APC2: variants seen among roughly 807,000 people sequenced by gnomAD.
The protein encoded by APC2 is adenomatous polyposis coli protein 2.
In APC2, 41 loss-of-function variants were observed where a neutral mutation model predicts 72.5. The ratio of observed to expected loss-of-function variants is 0.57; its 90% CI spans 0.44 to 0.73. APC2 has a LOEUF of 0.73. Ranked by LOEUF, APC2 falls within the 30% of genes least tolerant of loss-of-function variation. The pLI, the probability that APC2 is intolerant of heterozygous loss-of-function variation, is 0.00. For missense variants in APC2, 3,729 were observed against 3,403.4 expected, an observed-to-expected ratio of 1.10 and a Z score of -2.38; for synonymous variants, 1,898 against 1,612.0, an observed-to-expected ratio of 1.18 and a Z score of -4.25.
At chr19:1,453,689 C>T (rs917581885) in intron 4 of APC2, 78 bp downstream of exon 4, 48 of 1,511,338 alleles carry the variant, frequency 3.2e-5, no homozygotes, top group Non-Finnish European at 4.3e-5. Context: ...TCTAATTCGC[C>T]CACCCGCATA....
Position 1,456,094 on chromosome 19 carries a change from G to C in APC2, c.658G>C (p.Glu220Gln). 6.3e-7 allele frequency: 1 copy of C among 1,585,948 alleles called. No individual in the cohort carries two copies. Among genetic ancestry groups the C allele is most frequent in the Non-Finnish European group, 8.6e-7 (1 of 1,168,996 alleles). ...TGAGCAGATCCGCGCCTCGCGCCTGGAGCAGATTGACAAGGAGCTGCTGGA... is the reference window on the plus strand; with the variant it reads ...TGAGCAGATCCGCGCCTCGCGCCTGCAGCAGATTGACAAGGAGCTGCTGGA... ...QRAQIRASRL[E>Q]QIDKELLEAQ... Residue 220 changes from glutamate (E) to glutamine (Q), a missense_variant, in exon 7 of 15, where the codon GAG becomes CAG. Physicochemically the swap from Glu to Gln is conservative, Grantham distance 29. Transcript: ENST00000590469.
chr19:1,453,745 C>G, intron 4 of APC2, 134 bp downstream of exon 4: 2 of 1,236,722 alleles, frequency 1.6e-6, no homozygotes, highest in African/African-American at 3.0e-5. Flanking sequence ...GCATATGGCA[C>G]TGCCCACCGA....
chr19:1,465,817 T>C lies in APC2; in HGVS notation c.2516T>C (p.Val839Ala). 2 of 1,581,478 alleles carry C rather than the reference T, an allele frequency of 1.3e-6. No homozygotes were observed. The highest frequency in any genetic ancestry group is 8.6e-7 in the Non-Finnish European group (1 of 1,165,228). ...AAGGACACCAGTGGGGAGGCAGCCG[T>C]GGCGGCCAAGGCCAAGGCCAAGCTG... ...AEKDTSGEAA[V>A]AAKAKAKLAL... The change falls in exon 15 of 15, where the codon GTG becomes GCG. Residue 839 changes from valine (V) to alanine (A), a missense_variant. Val to Ala is a moderately conservative substitution (Grantham distance 64). Coordinates refer to ENST00000590469, the MANE Select transcript of APC2 (RefSeq NM_005883.3).
Position 1,465,741 on chromosome 19 carries a change from C to G in APC2, c.2440C>G (p.Gln814Glu). 1.3e-6 allele frequency: 2 copies of G among 1,543,300 alleles called. No individual in the cohort carries two copies. The highest frequency in any genetic ancestry group is 2.4e-5 in the South Asian group (2 of 82,686). Residue 814 changes from glutamine to glutamate, a missense_variant, in exon 15 of 15, where the codon CAG becomes GAG. Transcript: ENST00000590469. ...CCTGGGCAGCCCCTTCCTGCAGGGG[C>G]AGGCGCTGGCTCGCACCCCGCCCAC... ...LFLGSPFLQG[Q>E]ALARTPPTRR...
rs146579468 is a variant in APC2 at position 1,456,384 on chromosome 19, C to A, written c.796C>A (p.Pro266Thr). 376 of 1,605,614 alleles carry A rather than the reference C, an allele frequency of 2.3e-4. 3 individuals are homozygous for A. The Middle Eastern group carries it at 3.4e-3, about 15-fold the overall frequency. ...CCCCACACACCCTGAGGATGGCACC[C>A]CTCAGCCGGGCAACAGCAAGGTGAG... ...EVPTHPEDGT[P>T]QPGNSKVEVV... Residue 266 changes from proline to threonine, a missense_variant, in exon 8 of 15, where the codon CCT becomes ACT. Physicochemically the swap from Pro to Thr is conservative, Grantham distance 38 (BLOSUM62 -1). Transcript: ENST00000590469.
intron 9 of APC2, 90 bp from the exon 10 acceptor site, chr19:1,457,875 G>A (rs1184443354): frequency 1.1e-5 from 13 of 1,164,744 alleles, no homozygotes; most frequent in Admixed American, 2.0e-5. Context: ...GGATCCTTCA[G>A]GCCTGGGGCG....
rs71174372 is a variant in APC2, at chr19:1,457,895, C to CGGG, written c.1208-69_1208-67dup. 1.7e-4 allele frequency: 215 copies of CGGG among 1,251,726 alleles called. 22 individuals are homozygous for CGGG. In the African/African-American group the frequency reaches 5.0e-3, roughly 29 times the overall value. 77.5% of individuals were successfully genotyped at this position (1,251,726 alleles called of 1,614,324 possible). A position where few individuals can be genotyped will look rare whatever the true frequency, so the allele number is the denominator to read the frequency against. ...CTTCAGGCCTGGGGCGGGCGGGTTG[C>CGGG]GGGACCTTCGGGAGTCACCTGGGAC... On this transcript the variant is annotated intron_variant, in intron 9 of 14. Coordinates refer to ENST00000590469, the MANE Select transcript of APC2 (RefSeq NM_005883.3).
In APC2 at chr19:1,470,793, G is replaced by A. The variant is rs921907690; in HGVS notation, c.*580G>A. The A allele has an allele frequency of 6.6e-6, 1 of 152,348 alleles. No individual in the cohort carries two copies. The highest frequency in any genetic ancestry group is 1.5e-5 in the Non-Finnish European group (1 of 68,152). 9.4% of individuals were successfully genotyped at this position (152,348 alleles called of 1,614,324 possible). ...CAGCCCCAGCTGTGGGAGTGCGGGT[G>A]GGGGTGTGGCCGAGCCCCGGCAGGA... On this transcript the variant is annotated 3_prime_UTR_variant, in exon 15 of 15. Coordinates refer to ENST00000590469, the MANE Select transcript of APC2 (RefSeq NM_005883.3).
At position 1,466,156 on chromosome 19, in the gene APC2, C is replaced by T. The variant is rs913282943; in HGVS notation, c.2855C>T (p.Ser952Leu). Reference protein sequence around the residue: ...MLPCPLAALASRREDPRCGQP... With the variant: ...MLPCPLAALALRREDPRCGQP... Reference sequence around the variant, plus strand: ...CCCTGCCCGCTGGCCGCACTGGCTTCGCGCCGCGAGGACCCCAGGTGTGGG... The same window carrying T: ...CCCTGCCCGCTGGCCGCACTGGCTTTGCGCCGCGAGGACCCCAGGTGTGGG... Residue 952 changes from serine (S) to leucine (L), a missense_variant, in exon 15 of 15, where the codon TCG becomes TTG. Physicochemically the swap from Ser to Leu is moderately radical, Grantham distance 145. Coordinates refer to ENST00000590469, the MANE Select transcript of APC2 (RefSeq NM_005883.3). 2.6e-5 allele frequency: 40 copies of T among 1,565,476 alleles called. No homozygotes were observed. Among genetic ancestry groups the T allele is most frequent in the Non-Finnish European group, 3.0e-5 (35 of 1,166,368 alleles).
intron 14 of APC2, among the ~76,000 whole-genome samples, chr19:1,463,298 G>A (rs975855520): frequency 6.6e-6 from 1 of 151,562 alleles, no homozygotes; most frequent in Non-Finnish European, 1.5e-5. Context: ...GGCACCTGTG[G>A]TCCCAGCTAC....
Position 1,465,319 on chromosome 19 carries a change from G to A in APC2, c.2018G>A (p.Arg673His), listed in dbSNP as rs867716642. 6.3e-7 allele frequency: 1 copy of A among 1,595,522 alleles called. No individual in the cohort carries two copies. The highest frequency in any genetic ancestry group is 8.5e-7 in the Non-Finnish European group (1 of 1,176,546). ...LWDLGAVGML[R>H]NLVHSKHKMI... ...GACCTGGGCGCCGTGGGCATGCTGCGTAATCTGGTGCACTCCAAGCACAAG... is the reference window on the plus strand; with the variant it reads ...GACCTGGGCGCCGTGGGCATGCTGCATAATCTGGTGCACTCCAAGCACAAG... Residue 673 changes from arginine to histidine, a missense_variant, in exon 15 of 15, where the codon CGT becomes CAT. By Grantham distance (29) the Arg-to-His change is conservative. Transcript: ENST00000590469.
In APC2 at chr19:1,468,108, G is replaced by A. The variant is rs1211925931; in HGVS notation, c.4807G>A (p.Glu1603Lys). The A allele has an allele frequency of 6.6e-7, 1 of 1,523,942 alleles. No homozygotes were observed. Among genetic ancestry groups the A allele is most frequent in the South Asian group, 1.2e-5 (1 of 83,234 alleles). 94.4% of individuals were successfully genotyped at this position (1,523,942 alleles called of 1,614,324 possible). ...GCCGGCCGTCCATCCACGAGGCCGG[G>A]AGCCCGCGGTCACCAAGGACCCGGG... ...EPPAVHPRGR[E>K]PAVTKDPGPG... Residue 1603 changes from glutamate to lysine, a missense_variant, in exon 15 of 15, where the codon GAG becomes AAG. Glu to Lys is a moderately conservative substitution (Grantham distance 56, BLOSUM62 1). Coordinates refer to ENST00000590469, the MANE Select transcript of APC2 (RefSeq NM_005883.3).
At position 1,467,213 on chromosome 19, in the gene APC2, C is replaced by T. The variant is rs537838191; in HGVS notation, c.3912C>T (p.Arg1304=). The change falls in exon 15 of 15, where the codon CGC becomes CGT. Residue 1304 remains arginine (R), a synonymous_variant. Coordinates refer to ENST00000590469, the MANE Select transcript of APC2 (RefSeq NM_005883.3). ...LRLLPSACPE[R]GGGAGGAGLH... ...TGCTGCCCTCGGCCTGCCCCGAGCGCGGCGGGGGCGCCGGGGGCGCCGGCC... is the reference window on the plus strand; with the variant it reads ...TGCTGCCCTCGGCCTGCCCCGAGCGTGGCGGGGGCGCCGGGGGCGCCGGCC... 7.7e-5 allele frequency: 108 copies of T among 1,399,352 alleles called. No homozygotes were observed. The highest frequency in any genetic ancestry group is 9.1e-5 in the Non-Finnish European group (99 of 1,082,544). The allele number at this position is 1,399,352 out of a possible 1,614,324, so 86.7% of individuals were successfully genotyped here.
In APC2 at chr19:1,469,513, G is replaced by C; in HGVS notation, c.6212G>C (p.Arg2071Pro). Residue 2071 changes from arginine (R) to proline (P), a missense_variant, in exon 15 of 15, where the codon CGC (arginine) becomes CCC (proline). Physicochemically the swap from Arg to Pro is moderately radical, Grantham distance 103 (BLOSUM62 -2). Coordinates refer to ENST00000590469, the MANE Select transcript of APC2 (RefSeq NM_005883.3). ...GCGGCCCGACCCAGCCCTGGCGAGC[G>C]CCCTGCCCGGCGCACCACCTCCGAG... Reference protein sequence around the residue: ...PPAARPSPGERPARRTTSESP... With the variant: ...PPAARPSPGEPPARRTTSESP... The C allele has an allele frequency of 8.7e-7, 1 of 1,145,332 alleles. No homozygotes were observed. The highest frequency in any genetic ancestry group is 1.1e-6 in the Non-Finnish European group (1 of 928,206). The allele number at this position is 1,145,332 out of a possible 1,614,324, so 70.9% of individuals were successfully genotyped here.
At chr19:1,456,265 G>A (rs2083824255) in intron 7 of APC2, 41 bp from the exon 8 acceptor site, 2 of 1,578,750 alleles carry the variant, frequency 1.3e-6, no homozygotes, top group South Asian at 1.1e-5. Context: ...CAGACTGGGT[G>A]CTCTGGGACT....
Position 1,462,156 on chromosome 19 carries a change from T to C in APC2, c.1832T>C (p.Val611Ala). The change falls in exon 14 of 15, where the codon GTC becomes GCC. Residue 611 changes from valine to alanine, a missense_variant. Coordinates refer to ENST00000590469, the MANE Select transcript of APC2 (RefSeq NM_005883.3). ...GGILRNVSSL[V>A]ATREDYRQVL... ...ATCCTCCGCAATGTGTCCAGCCTCG[T>C]CGCCACCCGTGAGGACTACAGGTCG... 6.2e-7 allele frequency: 1 copy of C among 1,605,328 alleles called. No individual in the cohort carries two copies. Among genetic ancestry groups the C allele is most frequent in the Non-Finnish European group, 8.5e-7 (1 of 1,177,482 alleles).
At position 1,465,171 on chromosome 19, in the gene APC2, C is replaced by T. The variant is rs568275654; in HGVS notation, c.1870C>T (p.His624Tyr). ...TGCCTACAGGCAGGTGCTCCGGGATCACAACTGTCTGCAGACGCTGCTGCA... is the reference window on the plus strand; with the variant it reads ...TGCCTACAGGCAGGTGCTCCGGGATTACAACTGTCTGCAGACGCTGCTGCA... ...REDYRQVLRD[H>Y]NCLQTLLQHL... The change falls in exon 15 of 15, where the codon CAC becomes TAC. Residue 624 changes from histidine (H) to tyrosine (Y), a missense_variant. His to Tyr is a moderately conservative substitution (Grantham distance 83, BLOSUM62 2). Coordinates refer to ENST00000590469, the MANE Select transcript of APC2 (RefSeq NM_005883.3). 3.7e-6 allele frequency: 6 copies of T among 1,603,114 alleles called. No individual in the cohort carries two copies. Among genetic ancestry groups the T allele is most frequent in the East Asian group, 2.3e-5 (1 of 44,272 alleles).
rs772715057 is a variant in APC2, at chr19:1,468,705, C to T, written c.5404C>T (p.Arg1802Cys). ...GATCTACGTCCCCAGCCCGGCACCCCGTGCCCAGCCCAAAGGGACCCCCGG... is the reference window on the plus strand; with the variant it reads ...GATCTACGTCCCCAGCCCGGCACCCTGTGCCCAGCCCAAAGGGACCCCCGG... ...TVIYVPSPAP[R>C]AQPKGTPGPR... The change falls in exon 15 of 15, where the codon CGT becomes TGT. Residue 1802 changes from arginine to cysteine, a missense_variant. Physicochemically the swap from Arg to Cys is radical, Grantham distance 180 (BLOSUM62 -3). Coordinates refer to ENST00000590469, the MANE Select transcript of APC2 (RefSeq NM_005883.3). The T allele has an allele frequency of 7.2e-6, 11 of 1,534,484 alleles. No homozygotes were observed. Among genetic ancestry groups the T allele is most frequent in the Non-Finnish European group, 7.1e-6 (8 of 1,134,654 alleles).
intron 10 of APC2, chr19:1,458,726 CTTT>C (rs913263593): frequency 6.6e-6 from 1 of 152,156 alleles, no homozygotes; most frequent in South Asian, 2.1e-4. Context: ...CTTGCTGTAA[CTTT>C]TTTTTGAGAC....
Sources: allele counts gnomAD v4.1 joint callset (sites outside exome capture counted in the v4.1 genomes callset), GRCh38; gene constraint gnomAD v4.1.1; transcripts MANE v1.5; gene names NCBI Gene and HGNC (gene_info 2026-07-23, HGNC 2026-07-21).